USP43: variants seen among roughly 807,000 people sequenced by gnomAD.
USP43 encodes ubiquitin carboxyl-terminal hydrolase 43.
Under a neutral mutation model 90.7 loss-of-function variants are expected in USP43, and 33 were observed. The observed-to-expected ratio is 0.36, with a 90% CI of 0.28 to 0.49. The LOEUF is 0.49. Ranked by LOEUF, USP43 falls within the 20% of genes least tolerant of loss-of-function variation. The probability of loss-of-function intolerance (pLI) is 0.98; values close to 1 mark genes in which losing one functional copy is unlikely to be tolerated. For synonymous variants in USP43, 598 were observed against 615.8 expected, an observed-to-expected ratio of 0.97 and a Z score of 0.43; for missense variants, 1,274 against 1,476.4, an observed-to-expected ratio of 0.86 and a Z score of 2.25.
At chr17:9,695,286 G>T (rs943527794) in intron 9 of USP43, among the ~76,000 whole-genome samples, 34 of 151,830 alleles carry the variant, frequency 2.2e-4, no homozygotes, top group African/African-American at 8.0e-4. Flanking sequence ...ACATCTCCTT[G>T]TTCTATAGGA....
chr17:9,670,665 T>G (rs1913352728), intron 3 of USP43, among the ~76,000 whole-genome samples: 2 of 151,932 alleles, frequency 1.3e-5, no homozygotes, highest in Admixed American at 1.3e-4. Context: ...AAATCGAGGG[T>G]GCTTTGAAGT....
Position 9,690,895 on chromosome 17 carries a change from A to G in USP43, c.1354-2232A>G, listed in dbSNP as rs79651705. Among the ~76,000 whole-genome samples, 333 of 152,282 alleles carry G rather than the reference A, an allele frequency of 2.2e-3. 2 individuals are homozygous for G. Among genetic ancestry groups the G allele is most frequent in the African/African-American group, 7.9e-3 (327 of 41,564 alleles). On this transcript the variant is annotated intron_variant, in intron 8 of 14. Transcript: ENST00000285199. The stretch of plus-strand genomic sequence containing the variant: ...GCAAGACTGTCTCAAACAAACAAAC[A>G]AACTATACCTATTAAACAACAATTC...
At chr17:9,654,979 C>T (rs550713336) in intron 1 of USP43, among the ~76,000 whole-genome samples, 6 of 151,488 alleles carry the variant, frequency 4.0e-5, no homozygotes, top group African/African-American at 1.5e-4. Context: ...TTAAAGTGAT[C>T]CATCCGCCTC....
intron 1 of USP43, among the ~76,000 whole-genome samples, chr17:9,648,430 A>T (rs73255716): frequency 0.014 from 2,064 of 152,334 alleles, 44 homozygotes; most frequent in African/African-American, 0.045. Flanking sequence ...GCTCTCCAGG[A>T]GCTTATGGTC....
intron 9 of USP43, among the ~76,000 whole-genome samples, chr17:9,697,122 C>T (rs1363743620): frequency 3.3e-5 from 5 of 152,156 alleles, no homozygotes; most frequent in African/African-American, 9.7e-5. Flanking sequence ...GAGGCTGAGG[C>T]AGGAGAATCG....
At chr17:9,665,921 C>A (rs1176883977) in intron 2 of USP43, among the ~76,000 whole-genome samples, 1 of 152,176 alleles carries the variant, frequency 6.6e-6, no homozygotes, top group Admixed American at 6.5e-5. Context: ...AGACTCTCAT[C>A]TAGAGCCTCC....
rs1162847837 is a variant in USP43, at chr17:9,645,926, G to T, written c.294G>T (p.Pro98=). 5.4e-6 allele frequency: 8 copies of T among 1,474,718 alleles called. No individual in the cohort carries two copies. Among genetic ancestry groups the T allele is most frequent in the Non-Finnish European group, 5.4e-6 (6 of 1,116,048 alleles). 91.4% of individuals were successfully genotyped at this position (1,474,718 alleles called of 1,614,324 possible). Residue 98 remains proline, a synonymous_variant, in exon 1 of 15, where the codon CCG becomes CCT. Transcript: ENST00000285199. This position sits in a 1 kb window ranked among gnomAD's most constrained non-coding sequence, Gnocchi z 6.8. ...CCGCCGGCGATGGGGCGCGGCCGCCGGGCGCTCAGGGCTTGAAGAACCACG... is the reference window on the plus strand; with the variant it reads ...CCGCCGGCGATGGGGCGCGGCCGCCTGGCGCTCAGGGCTTGAAGAACCACG... The part of the protein sequence containing the change: ...QLPAGDGARP[P]GAQGLKNHGN...
intron 5 of USP43, 27 bp downstream of exon 5, chr17:9,676,908 G>A (rs1173997237): frequency 1.2e-5 from 19 of 1,607,006 alleles, no homozygotes; most frequent in Non-Finnish European, 1.3e-5. Flanking sequence ...CTGGGGCCTG[G>A]TCATTGGATG....
Position 9,675,071 on chromosome 17 carries a change from C to A in USP43, c.833+88C>A, listed in dbSNP as rs1294372512. ...CTTCTGGCCTCACACCTGCCATTTT[C>A]TCTCCTTTGCTTCTCAGCCAGCATT... On this transcript the variant is annotated intron_variant, in intron 4 of 14. Coordinates refer to ENST00000285199, the MANE Select transcript of USP43 (RefSeq NM_153210.5). 5.4e-6 allele frequency: 6 copies of A among 1,102,698 alleles called. No homozygotes were observed. In the African/African-American group the frequency reaches 9.3e-5, roughly 17 times the overall value. The allele number at this position is 1,102,698 out of a possible 1,614,324, so 68.3% of individuals were successfully genotyped here.
chr17:9,693,069 C>T (rs550300273), intron 8 of USP43, 58 bp from the exon 9 acceptor site: 1 of 1,321,814 alleles, frequency 7.6e-7, no homozygotes, highest in African/African-American at 1.5e-5. Context: ...CCTTTAGAGT[C>T]TAATTTAAAT....
intron 14 of USP43, among the ~76,000 whole-genome samples, chr17:9,714,420 G>A (rs984887700): frequency 8.5e-5 from 13 of 152,232 alleles, no homozygotes; most frequent in African/African-American, 2.2e-4. Context: ...AGTGGCTCAC[G>A]CCTGTAATCC....
At chr17:9,725,503 C>T (rs1220635328) in intron 14 of USP43, among the ~76,000 whole-genome samples, 2 of 152,116 alleles carry the variant, frequency 1.3e-5, no homozygotes, top group Non-Finnish European at 2.9e-5. Context: ...AGCGTGGGGG[C>T]CTCTTATTCC....
At position 9,645,837 on chromosome 17, in the gene USP43, C is replaced by G; in HGVS notation, c.205C>G (p.Pro69Ala). 7.1e-7 allele frequency: 1 copy of G among 1,402,234 alleles called. No individual in the cohort carries two copies. The highest frequency in any genetic ancestry group is 9.2e-7 in the Non-Finnish European group (1 of 1,084,352). The allele number at this position is 1,402,234 out of a possible 1,614,324, so 86.9% of individuals were successfully genotyped here. The change falls in exon 1 of 15, where the codon CCA becomes GCA. Residue 69 changes from proline (P) to alanine (A), a missense_variant. By Grantham distance (27) the Pro-to-Ala change is conservative. Around this residue, in one of 6 missense-constraint regions of USP43, gnomAD observed 259 missense variants for 373.7 expected, o/e 0.69. Coordinates refer to ENST00000285199, the MANE Select transcript of USP43 (RefSeq NM_153210.5). The surrounding 1 kb of genome is among the most constrained non-coding windows in gnomAD (Gnocchi z 6.8). Reference protein sequence around the residue: ...GGFACAPGPVPAAPGSPGEER... With the variant: ...GGFACAPGPVAAAPGSPGEER... ...CTTCGCCTGCGCCCCGGGCCCAGTT[C>G]CAGCGGCCCCCGGGAGCCCCGGGGA... is the stretch of plus-strand genomic sequence containing the variant.
rs1407190140 is a variant in USP43 at position 9,701,557 on chromosome 17, G to A, written c.1868G>A (p.Ser623Asn). 1.9e-6 allele frequency: 3 copies of A among 1,566,150 alleles called. No homozygotes were observed. Among genetic ancestry groups the A allele is most frequent in the Non-Finnish European group, 2.6e-6 (3 of 1,155,912 alleles). ...LNMAPHVAQR[S>N]TSPEAGLGPW... ...ATGGCTCCCCATGTGGCCCAGAGAA[G>A]CACCAGCCCTGAGGCAGGACTGGGC... Residue 623 changes from serine (S) to asparagine (N), a missense_variant, in exon 12 of 15, where the codon AGC becomes AAC. Transcript: ENST00000285199. The surrounding 1 kb of genome is among the most constrained non-coding windows in gnomAD (Gnocchi z 7.2).
intron 7 of USP43, among the ~76,000 whole-genome samples, chr17:9,684,063 G>T (rs546837865): frequency 6.6e-6 from 1 of 152,170 alleles, no homozygotes; most frequent in South Asian, 2.1e-4. Flanking sequence ...CTTGAACCCA[G>T]GAGGCAAATG....
intron 8 of USP43, among the ~76,000 whole-genome samples, chr17:9,688,859 T>G (rs564025992): frequency 7.9e-5 from 12 of 152,190 alleles, no homozygotes; most frequent in South Asian, 2.1e-4. Context: ...GCTAACTTTT[T>G]TTTGTTTGTT....
At chr17:9,675,692 A>G (rs564559358) in intron 4 of USP43, among the ~76,000 whole-genome samples, 8 of 152,220 alleles carry the variant, frequency 5.3e-5, no homozygotes, top group African/African-American at 1.9e-4. Context: ...AGCTGAAGAC[A>G]TAACATCTTC....
chr17:9,665,492 A>T (rs1225847751), intron 2 of USP43, among the ~76,000 whole-genome samples: 1 of 152,042 alleles, frequency 6.6e-6, no homozygotes, highest in East Asian at 1.9e-4. Flanking sequence ...AAACCATCAG[A>T]TCTCATGAGA....
intron 2 of USP43, among the ~76,000 whole-genome samples, chr17:9,663,211 A>G (rs1912765243): frequency 6.6e-6 from 1 of 152,114 alleles, no homozygotes; most frequent in African/African-American, 2.4e-5. Flanking sequence ...TTGAGAAATC[A>G]TGGAGCAAAG....
Sources: allele counts gnomAD v4.1 joint callset (sites outside exome capture counted in the v4.1 genomes callset), GRCh38; gene constraint gnomAD v4.1.1; regional missense constraint gnomAD v4.1.1; non-coding constraint Gnocchi (gnomAD v3.1); transcripts MANE v1.5; gene names NCBI Gene and HGNC (gene_info 2026-07-23, HGNC 2026-07-21).